Variants in STX12 observed in about 807,000 individuals in gnomAD.
STX12 encodes syntaxin 12, also known as syntaxin-12.
A neutral mutation model predicts 42.2 loss-of-function variants in STX12; 17 were observed. The ratio of observed to expected loss-of-function variants is 0.40; its 90% CI spans 0.28 to 0.60. STX12 has a LOEUF of 0.60. Ranked by LOEUF, STX12 falls within the 20% of genes least tolerant of loss-of-function variation. The pLI, the probability that STX12 is intolerant of heterozygous loss-of-function variation, is 0.39. For missense variants in STX12, 297 were observed against 330.9 expected (o/e 0.90, Z 0.79); for synonymous variants, 108 against 116.7 (o/e 0.93, Z 0.48).
intron 4 of STX12, among the ~76,000 whole-genome samples, chr1:27,805,847 T>G (rs1033198921): frequency 1.1e-4 from 16 of 152,354 alleles, no homozygotes; most frequent in African/African-American, 3.4e-4. Flanking sequence ...ATAACCTTGT[T>G]GATACTCTTC....
intron 1 of STX12, among the ~76,000 whole-genome samples, chr1:27,787,749 T>C (rs1185423723): frequency 6.6e-6 from 1 of 152,166 alleles, no homozygotes; most frequent in Non-Finnish European, 1.5e-5. Context: ...TTTTTACTGA[T>C]CTTGGTGACC....
At position 27,817,827 on chromosome 1, in the gene STX12, T is replaced by G. The variant is rs749643895; in HGVS notation, c.577-24T>G. The stretch of plus-strand genomic sequence containing the variant: ...CTTCTAACATGTTGCTTAATGTTAG[T>G]TAATTGTTTTTTGTCTTCCTTAGGC... On this transcript the variant is annotated intron_variant, in intron 6 of 8. Coordinates refer to ENST00000373943, the MANE Select transcript of STX12 (RefSeq NM_177424.3). 2.5e-6 allele frequency: 4 copies of G among 1,607,186 alleles called. No homozygotes were observed. The South Asian group carries it at 3.3e-5, about 13-fold the overall frequency.
At chr1:27,794,411 A>G (rs1437822044) in intron 3 of STX12, among the ~76,000 whole-genome samples, 1 of 152,194 alleles carries the variant, frequency 6.6e-6, no homozygotes, top group African/African-American at 2.4e-5. Flanking sequence ...ATGTTCTGTC[A>G]TGAGTTATTC....
Position 27,811,773 on chromosome 1 carries a change from T to C in STX12, c.471-390T>C, listed in dbSNP as rs1282268480. ...TTCTCCACCCACTTAGTACTGAAGG[T>C]ACTAATGCAGCTTGCACTTTGAGAG... On this transcript the variant is annotated intron_variant, in intron 5 of 8. Coordinates refer to ENST00000373943, the MANE Select transcript of STX12 (RefSeq NM_177424.3). Among the ~76,000 whole-genome samples the C allele has an allele frequency of 2.0e-5, 3 of 152,164 alleles. No individual in the cohort carries two copies. In the South Asian group the frequency reaches 6.2e-4, roughly 32 times the overall value.
chr1:27,814,363 C>T lies in STX12; in HGVS notation c.576+2095C>T, dbSNP rs577463886. Among the ~76,000 whole-genome samples the T allele has an allele frequency of 4.0e-5, 6 of 151,686 alleles. No homozygotes were observed. In the East Asian group the frequency reaches 1.2e-3, roughly 29 times the overall value. On this transcript the variant is annotated intron_variant, in intron 6 of 8. Transcript: ENST00000373943. ...TGGGCAGTGTAGCAAGACCTTACCT[C>T]TACAAAAAATAAAAAATTAACCGGG...
At position 27,824,096 on chromosome 1, in the gene STX12, A is replaced by G. The variant is rs751604469; in HGVS notation, c.*1767A>G. On this transcript the variant is annotated 3_prime_UTR_variant, in exon 9 of 9. Coordinates refer to ENST00000373943, the MANE Select transcript of STX12 (RefSeq NM_177424.3). ...TTTTAATGATTTTTTAATTAAAAAA[A>G]AGAACAACAGGATAGAGCTGTTGGG... 5 of 152,158 alleles carry G rather than the reference A, an allele frequency of 3.3e-5. No homozygotes were observed. Among genetic ancestry groups the G allele is most frequent in the Non-Finnish European group, 7.3e-5 (5 of 68,034 alleles). 9.4% of individuals were successfully genotyped at this position (152,158 alleles called of 1,614,324 possible).
chr1:27,775,564 G>T (rs1571513550), intron 1 of STX12, among the ~76,000 whole-genome samples: 1 of 152,318 alleles, frequency 6.6e-6, no homozygotes, highest in East Asian at 1.9e-4. Flanking sequence ...GAATCATCAT[G>T]CCTGGCCTTC....
At chr1:27,779,328 T>G (rs1184902068) in intron 1 of STX12, among the ~76,000 whole-genome samples, 1 of 145,860 alleles carries the variant, frequency 6.9e-6, no homozygotes, top group Non-Finnish European at 1.5e-5. Context: ...GTTTTTTTTG[T>G]TTTTGTTTTT....
At chr1:27,778,132 T>G (rs2088639411) in intron 1 of STX12, among the ~76,000 whole-genome samples, 1 of 152,056 alleles carries the variant, frequency 6.6e-6, no homozygotes, top group African/African-American at 2.4e-5. Flanking sequence ...GAGAGCATAG[T>G]TATTCTTTTT....
At position 27,800,051 on chromosome 1, in the gene STX12, G is replaced by A. The variant is rs187181452; in HGVS notation, c.289-1627G>A. The stretch of plus-strand genomic sequence containing the variant: ...ATTACAGGCATGCGCTACTGCGCCC[G>A]GCCTAGCTTGGCATTTAAAACCTGC... On this transcript the variant is annotated intron_variant, in intron 3 of 8. Coordinates refer to ENST00000373943, the MANE Select transcript of STX12 (RefSeq NM_177424.3). Among the ~76,000 whole-genome samples, 16 of 152,326 alleles carry A rather than the reference G, an allele frequency of 1.1e-4. No individual in the cohort carries two copies. The East Asian group carries it at 1.4e-3, about 13-fold the overall frequency.
At chr1:27,791,130 G>A (rs563410181) in intron 2 of STX12, among the ~76,000 whole-genome samples, 91 of 151,486 alleles carry the variant, frequency 6.0e-4, no homozygotes, top group African/African-American at 1.9e-3. Flanking sequence ...GCATGGTGGC[G>A]CGTGCCTGTA....
chr1:27,781,309 G>A (rs1490210810), intron 1 of STX12, among the ~76,000 whole-genome samples: 1 of 152,116 alleles, frequency 6.6e-6, no homozygotes, highest in Non-Finnish European at 1.5e-5. Context: ...CTCCCAAAGT[G>A]CTGGGATTAT....
At chr1:27,812,038 G>A (rs1444110252) in intron 5 of STX12, 125 bp from the exon 6 acceptor site, 2 of 777,834 alleles carry the variant, frequency 2.6e-6, no homozygotes, top group East Asian at 2.8e-5. Context: ...AGACTTTATT[G>A]ATAGCAGAGG....
At position 27,800,207 on chromosome 1, in the gene STX12, A is replaced by G. The variant is rs537356005; in HGVS notation, c.289-1471A>G. Among the ~76,000 whole-genome samples, 4 of 152,254 alleles carry G rather than the reference A, an allele frequency of 2.6e-5. No homozygotes were observed. In the East Asian group the frequency reaches 5.8e-4, roughly 22 times the overall value. On this transcript the variant is annotated intron_variant, in intron 3 of 8. Coordinates refer to ENST00000373943, the MANE Select transcript of STX12 (RefSeq NM_177424.3). ...CTGCCACCATGCCTTTGCTCACACT[A>G]TTCTCTTGCTTGGATTTGCCTTACC...
chr1:27,794,519 A>G (rs757419208), intron 3 of STX12, among the ~76,000 whole-genome samples: 1 of 152,080 alleles, frequency 6.6e-6, no homozygotes, highest in African/African-American at 2.4e-5. Context: ...GAAACACACA[A>G]TTTTTACTGA....
At position 27,812,580 on chromosome 1, in the gene STX12, T is replaced by C. The variant is rs887740571; in HGVS notation, c.576+312T>C. On this transcript the variant is annotated intron_variant, in intron 6 of 8. Coordinates refer to ENST00000373943, the MANE Select transcript of STX12 (RefSeq NM_177424.3). The stretch of plus-strand genomic sequence containing the variant: ...CCTCAGACTCTCGAGTAGCTGGGAT[T>C]ACAGGCATGTGCCACCACGCCCAGC... Among the ~76,000 whole-genome samples the C allele has an allele frequency of 4.6e-5, 7 of 152,140 alleles. No individual in the cohort carries two copies. In the East Asian group the frequency reaches 1.3e-3, roughly 29 times the overall value.
Position 27,822,323 on chromosome 1 carries a change from G to C in STX12, c.825G>C (p.Thr275=), listed in dbSNP as rs994719603. 6.2e-7 allele frequency: 1 copy of C among 1,602,832 alleles called. No individual in the cohort carries two copies. The highest frequency in any genetic ancestry group is 1.3e-5 in the African/African-American group (1 of 74,674). ...LGLIIWLVYK[T]K ...TTATTATCTGGCTAGTTTATAAAACGAAGTGATTGCCTCCGATCGTTCTCC... is the reference window on the plus strand; with the variant it reads ...TTATTATCTGGCTAGTTTATAAAACCAAGTGATTGCCTCCGATCGTTCTCC... Residue 275 remains threonine (T), a synonymous_variant, in exon 9 of 9, where the codon ACG becomes ACC. Coordinates refer to ENST00000373943, the MANE Select transcript of STX12 (RefSeq NM_177424.3).
intron 7 of STX12, among the ~76,000 whole-genome samples, chr1:27,818,385 A>T (rs969091811): frequency 9.7e-6 from 1 of 103,560 alleles, no homozygotes; most frequent in South Asian, 2.7e-4. Flanking sequence ...CGTCTCAATT[A>T]AAAAAAAAAA....
chr1:27,781,966 A>G (rs967452733), intron 1 of STX12, among the ~76,000 whole-genome samples: 9 of 152,162 alleles, frequency 5.9e-5, no homozygotes, highest in African/African-American at 2.2e-4. Context: ...CATCCTCACA[A>G]CAACCATATG....
Sources: allele counts gnomAD v4.1 joint callset (sites outside exome capture counted in the v4.1 genomes callset), GRCh38; gene constraint gnomAD v4.1.1; transcripts MANE v1.5; gene names NCBI Gene and HGNC (gene_info 2026-07-23, HGNC 2026-07-21).